The following CYFIP1 variants were observed in gnomAD, a reference collection of about 807,000 sequenced individuals.
CYFIP1 encodes the protein cytoplasmic FMR1-interacting protein 1.
Under a neutral mutation model 163.5 loss-of-function variants are expected in CYFIP1, and 58 were observed. The observed-to-expected ratio is 0.35, with a 90% CI of 0.29 to 0.44. The LOEUF is 0.44. Among genes scored for constraint, CYFIP1 ranks in the 20% least tolerant of loss-of-function variants. CYFIP1 has a pLI of 1.00. For synonymous variants in CYFIP1, 663 were observed against 660.7 expected, an observed-to-expected ratio of 1.00 and a Z score of -0.05; for missense variants, 1,338 against 1,653.8, an observed-to-expected ratio of 0.81 and a Z score of 3.31.
intron 1 of CYFIP1, chr15:22,951,247 C>A (rs567738512): frequency 1.0e-6 from 1 of 970,516 alleles, no homozygotes; most frequent in African/African-American, 1.8e-5. Flanking sequence ...AAGGGAACGC[C>A]CCCGACCGCA....
At chr15:22,969,066 G>C (rs574768537) in intron 1 of CYFIP1, among the ~76,000 whole-genome samples, 41 of 152,270 alleles carry the variant, frequency 2.7e-4, no homozygotes, top group African/African-American at 9.4e-4. Flanking sequence ...CAGGCTCTGA[G>C]CATCAAATTT....
In CYFIP1 at chr15:22,967,864, C is replaced by G. The variant is rs576421581; in HGVS notation, c.-7+12423G>C. Among the ~76,000 whole-genome samples, 998 of 152,166 alleles carry G rather than the reference C, an allele frequency of 6.6e-3. 4 individuals carry two copies. The highest frequency in any genetic ancestry group is 9.8e-3 in the Admixed American group (149 of 15,268). On this transcript the variant is annotated intron_variant, in intron 1 of 30. Coordinates refer to ENST00000617928, the MANE Select transcript of CYFIP1 (RefSeq NM_014608.6). ...CAGCCTGGGCTACACAGTGAGACCC[C>G]ATCTCAAAAAGAAAAGAAGTCAGCA...
chr15:22,953,081 C>A (rs535475705), intron 1 of CYFIP1, among the ~76,000 whole-genome samples: 1 of 152,380 alleles, frequency 6.6e-6, no homozygotes, highest in East Asian at 1.9e-4. Flanking sequence ...CAAGGGCTCT[C>A]CGTCCGTGCA....
At chr15:22,936,783 A>G (rs779085538) in intron 9 of CYFIP1, among the ~76,000 whole-genome samples, 7 of 152,222 alleles carry the variant, frequency 4.6e-5, no homozygotes, top group Non-Finnish European at 1.0e-4. Context: ...ACTACACCAC[A>G]ACCGAAAGCT....
At chr15:22,980,178 GGGGGGGGTCCGTCC>G (rs2063435196) in intron 1 of CYFIP1, 95 bp downstream of exon 1, 1 of 8,176 alleles carries the variant, frequency 1.2e-4, no homozygotes, top group Non-Finnish European at 5.6e-4. Flanking sequence ...TTGGGGGGGA[GGGGGGGGTCCGTCC>G]CGGCCCCGCC....
chr15:22,939,439 A>T lies in CYFIP1; in HGVS notation c.638T>A (p.Phe213Tyr). Residue 213 changes from phenylalanine (F) to tyrosine (Y), a missense_variant, in exon 7 of 31, where the codon TTC becomes TAC. Transcript: ENST00000617928. ...TGTGATCTTGTTATGATTGGCCAGG[A>T]ACATGGACAGATTCTGCGATTCCTG... ...SIQESQNLSMFLANHNKITQS... is the reference protein window; with the variant it reads ...SIQESQNLSMYLANHNKITQS... The T allele has an allele frequency of 6.2e-7, 1 of 1,613,996 alleles. No individual in the cohort carries two copies. The highest frequency in any genetic ancestry group is 8.5e-7 in the Non-Finnish European group (1 of 1,179,982).
At chr15:22,873,311 C>T (rs114937377) in intron 29 of CYFIP1, among the ~76,000 whole-genome samples, 180 bp downstream of exon 29, 3,152 of 152,236 alleles carry the variant, frequency 0.021, 43 homozygotes, top group Non-Finnish European at 0.024. Context: ...ATACTAGAGT[C>T]CTGAGTCAGC....
rs781458619 is a variant in CYFIP1, at chr15:22,879,915, G to A, written c.3040C>T (p.Leu1014=). The part of the protein sequence containing the change: ...ILFCLLIEQS[L]SLEEVCDLLH... ...GGCGGCGTTGGGGGGCCACTCACCA[G>A]GCTCTGCTCGATGAGCAGGCAGAAG... Residue 1014 remains leucine (L), a splice_region_variant and synonymous_variant, in exon 26 of 31, where the codon CTG becomes TTG. Coordinates refer to ENST00000617928, the MANE Select transcript of CYFIP1 (RefSeq NM_014608.6). The A allele has an allele frequency of 1.2e-5, 19 of 1,611,040 alleles. No homozygotes were observed. In the South Asian group the frequency reaches 2.0e-4, roughly 17 times the overall value.
chr15:22,973,731 A>C (rs746570323), intron 1 of CYFIP1, among the ~76,000 whole-genome samples: 1 of 152,224 alleles, frequency 6.6e-6, no homozygotes, highest in Non-Finnish European at 1.5e-5. Context: ...CAAACTAAAA[A>C]TGTTCTGCAC....
chr15:22,868,436 A>ATAAT lies in CYFIP1; in HGVS notation c.*1588_*1591dup, dbSNP rs778806370. On this transcript the variant is annotated 3_prime_UTR_variant, in exon 31 of 31. Coordinates refer to ENST00000617928, the MANE Select transcript of CYFIP1 (RefSeq NM_014608.6). Reference sequence around the variant, plus strand: ...ACCTAAGGTATTACATATTTGGTATATAATTAAGCCTTATAAAACTTGGTA... The same window carrying ATAAT: ...ACCTAAGGTATTACATATTTGGTATATAATTAATTAAGCCTTATAAAACTTGGTA... 2.0e-5 allele frequency: 3 copies of ATAAT among 152,162 alleles called. No homozygotes were observed. Among genetic ancestry groups the ATAAT allele is most frequent in the East Asian group, 1.9e-4 (1 of 5,206 alleles). The allele number at this position is 152,162 out of a possible 1,614,324, so 9.4% of individuals were successfully genotyped here.
chr15:22,957,776 G>T (rs1299450027), intron 1 of CYFIP1, among the ~76,000 whole-genome samples: 1 of 152,212 alleles, frequency 6.6e-6, no homozygotes, highest in African/African-American at 2.4e-5. Flanking sequence ...TATGCAAAAT[G>T]ATGGCACTTC....
intron 23 of CYFIP1, among the ~76,000 whole-genome samples, chr15:22,884,638 G>C (rs893328080): frequency 1.3e-5 from 2 of 152,130 alleles, no homozygotes; most frequent in Non-Finnish European, 2.9e-5. Context: ...ACTGGGGTCT[G>C]GAGGAGGGTG....
rs11356601 is a variant in CYFIP1, at chr15:22,879,135, C to CA, written c.3042+777dup. On this transcript the variant is annotated intron_variant, in intron 26 of 30. Coordinates refer to ENST00000617928, the MANE Select transcript of CYFIP1 (RefSeq NM_014608.6). ...GGGGTGACAGAGCAAGACTCCGTCT[C>CA]AAAAAAAAAAAAAAAGAAAAAGAAA... 6.1e-4 allele frequency among the ~76,000 whole-genome samples: 80 copies of CA among 130,294 alleles called. No homozygotes were observed. In the East Asian group the frequency reaches 0.011, roughly 17 times the overall value. The allele number at this position is 130,294 out of a possible 152,430, so 85.5% of individuals were successfully genotyped here.
intron 16 of CYFIP1, among the ~76,000 whole-genome samples, chr15:22,915,890 A>C (rs939048415): frequency 6.6e-6 from 1 of 152,238 alleles, no homozygotes; most frequent in Non-Finnish European, 1.5e-5. Context: ...CCACACTCGA[A>C]CTCCATCCTT....
Position 22,872,986 on chromosome 15 carries a change from G to A in CYFIP1, c.3450-14C>T, listed in dbSNP as rs1229296233. The A allele has an allele frequency of 6.2e-7, 1 of 1,612,576 alleles. No homozygotes were observed. Among genetic ancestry groups the A allele is most frequent in the Admixed American group, 1.7e-5 (1 of 59,722 alleles). On this transcript the variant is annotated splice_polypyrimidine_tract_variant and intron_variant, in intron 29 of 30. Transcript: ENST00000617928. ...CCAAAGCACTGCCTAGGAACAAGAA[G>A]CAGAAACAGAATGGGAGATGAGTGA...
At chr15:22,946,845 G>A (rs1162813712) in intron 3 of CYFIP1, 158 bp downstream of exon 3, 5 of 748,288 alleles carry the variant, frequency 6.7e-6, no homozygotes, top group Non-Finnish European at 9.5e-6. Flanking sequence ...TTTACACTAA[G>A]AAAAGCAAAG....
At chr15:22,919,098 G>A (rs952133900) in intron 13 of CYFIP1, among the ~76,000 whole-genome samples, 46 of 152,222 alleles carry the variant, frequency 3.0e-4, no homozygotes, top group Admixed American at 4.6e-4. Context: ...CATCTGACTC[G>A]AAACACACAT....
rs752128631 is a variant in CYFIP1 at position 22,873,611 on chromosome 15, C to T, written c.3329G>A (p.Arg1110His). The T allele has an allele frequency of 2.7e-5, 43 of 1,614,152 alleles. No individual in the cohort carries two copies. The highest frequency in any genetic ancestry group is 4.5e-5 in the East Asian group (2 of 44,898). ...IRSFLDDPIW[R>H]GPLPSNGVMH... The stretch of plus-strand genomic sequence containing the variant: ...GACCCCATTGCTGGGCAGAGGCCCG[C>T]GCCAGATGGGGTCATCCAGAAAGCT... Residue 1110 changes from arginine (R) to histidine (H), a missense_variant, in exon 29 of 31, where the codon CGC (arginine) becomes CAC (histidine). Physicochemically the swap from Arg to His is conservative, Grantham distance 29 (BLOSUM62 0). Around this residue, in one of 4 missense-constraint regions of CYFIP1, gnomAD observed 306 missense variants for 322.1 expected, o/e 0.95. Transcript: ENST00000617928.
intron 23 of CYFIP1, 79 bp from the exon 24 acceptor site, chr15:22,883,090 A>C: frequency 6.6e-7 from 1 of 1,523,578 alleles, no homozygotes; most frequent in Non-Finnish European, 9.0e-7. Context: ...AAGATCACTC[A>C]ACACACACAG....
Sources: allele counts gnomAD v4.1 joint callset (sites outside exome capture counted in the v4.1 genomes callset), GRCh38; gene constraint gnomAD v4.1.1; regional missense constraint gnomAD v4.1.1; transcripts MANE v1.5; gene names NCBI Gene and HGNC (gene_info 2026-07-23, HGNC 2026-07-21).